The following LINGO2 variants were observed in gnomAD, a reference collection of about 807,000 sequenced individuals.
LINGO2 encodes leucine-rich repeat and immunoglobulin-like domain-containing nogo receptor-interacting protein 2.
In LINGO2, 14 loss-of-function variants were observed where a neutral mutation model predicts 30.6. That is an observed-to-expected ratio of 0.46 (90% CI 0.30 to 0.72). The LOEUF is 0.72. Among genes scored for constraint, LINGO2 ranks in the 30% least tolerant of loss-of-function variants. The probability of loss-of-function intolerance (pLI) is 0.07; values close to 1 mark genes in which losing one functional copy is unlikely to be tolerated. For missense variants in LINGO2, 729 were observed against 751.7 expected, an observed-to-expected ratio of 0.97 and a Z score of 0.35; for synonymous variants, 317 against 288.5, an observed-to-expected ratio of 1.10 and a Z score of -1.00.
the LINGO2 span, among the ~76,000 whole-genome samples, chr9:28,903,765 C>G: frequency 6.6e-6 from 1 of 152,226 alleles, no homozygotes; most frequent in South Asian, 2.1e-4. Flanking sequence ...AGATATGAGC[C>G]ACCATGCTTG....
intron 3 of LINGO2, among the ~76,000 whole-genome samples, chr9:28,353,431 T>G (rs1011530215): frequency 2.1e-4 from 32 of 151,266 alleles, no homozygotes; most frequent in Admixed American, 1.4e-3. Flanking sequence ...ATCAGAGAAA[T>G]GCAAATCAAA....
the LINGO2 span, among the ~76,000 whole-genome samples, chr9:28,934,193 C>T: frequency 0.011 from 1,733 of 152,268 alleles, 13 homozygotes; most frequent in Middle Eastern, 0.017. Context: ...CTAACTTGCC[C>T]ACACATGACT....
intron 4 of LINGO2, among the ~76,000 whole-genome samples, chr9:28,164,433 T>C (rs555268940): frequency 6.6e-6 from 1 of 152,316 alleles, no homozygotes; most frequent in African/African-American, 2.4e-5. Context: ...TGTTATGAGA[T>C]CTGGAAACTT....
At chr9:28,920,808 GCCTTAGTTTAAAC>G in the LINGO2 span, among the ~76,000 whole-genome samples, 4 of 152,170 alleles carry the variant, frequency 2.6e-5, no homozygotes, top group South Asian at 2.1e-4. Context: ...GATCAGAAAA[GCCTTAGTTTAAAC>G]CCCTGGCCAC....
the LINGO2 span, among the ~76,000 whole-genome samples, chr9:28,903,680 A>G: frequency 1.3e-5 from 2 of 151,998 alleles, no homozygotes; most frequent in Non-Finnish European, 2.9e-5. Context: ...GTCTTGCTAT[A>G]TTGCCTAGAC....
intron 4 of LINGO2, among the ~76,000 whole-genome samples, chr9:28,168,282 T>C (rs1828489051): frequency 6.6e-6 from 1 of 152,210 alleles, no homozygotes; most frequent in Non-Finnish European, 1.5e-5. Context: ...ATTTTACTTG[T>C]AATAACTGAA....
intron 4 of LINGO2, among the ~76,000 whole-genome samples, chr9:28,112,133 C>A (rs1826818748): frequency 1.2e-5 from 1 of 84,930 alleles, no homozygotes; most frequent in East Asian, 3.4e-4. Flanking sequence ...TTGTTCAATT[C>A]CCACCTATGA....
the LINGO2 span, among the ~76,000 whole-genome samples, chr9:28,677,505 G>T: frequency 7.2e-5 from 11 of 152,162 alleles, no homozygotes; most frequent in African/African-American, 2.6e-4. Context: ...AAAGAAGGAG[G>T]CTTATATGAG....
At chr9:28,851,360 G>A in the LINGO2 span, among the ~76,000 whole-genome samples, 1 of 152,032 alleles carries the variant, frequency 6.6e-6, no homozygotes, top group Non-Finnish European at 1.5e-5. Flanking sequence ...GCTGAGCCAA[G>A]TCATTTCATA....
intron 4 of LINGO2, among the ~76,000 whole-genome samples, chr9:28,100,830 G>C (rs2133310878): frequency 6.6e-6 from 1 of 152,210 alleles, no homozygotes; most frequent in East Asian, 1.9e-4. Flanking sequence ...TGAATTGACT[G>C]GGAATGAGCT....
intron 2 of LINGO2, among the ~76,000 whole-genome samples, chr9:28,423,857 G>C (rs1823303519): frequency 6.6e-6 from 1 of 152,030 alleles, no homozygotes; most frequent in Non-Finnish European, 1.5e-5. Flanking sequence ...TAGAATGATG[G>C]AGTGTTTTAA....
intron 3 of LINGO2, among the ~76,000 whole-genome samples, chr9:28,370,181 G>A (rs1820838918): frequency 6.6e-6 from 1 of 152,130 alleles, no homozygotes; most frequent in African/African-American, 2.4e-5. Flanking sequence ...TTTAGCCTCT[G>A]GATCCTCTCT....
chr9:28,225,829 T>C (rs112917150), intron 4 of LINGO2, among the ~76,000 whole-genome samples: 21 of 152,282 alleles, frequency 1.4e-4, no homozygotes, highest in African/African-American at 4.8e-4. Context: ...CTTTTGAAAC[T>C]TGTTAAATTG....
intron 1 of LINGO2, among the ~76,000 whole-genome samples, chr9:28,495,956 T>C (rs1342904596): frequency 1.3e-5 from 2 of 152,136 alleles, no homozygotes; most frequent in Admixed American, 6.5e-5. Context: ...AGTTTCCATG[T>C]AGTTGAGTGG....
rs1297291689 is a variant in LINGO2, at chr9:28,632,879, TGTAGAGAGAG to T, written c.-365+37311_-365+37320del. 1.2e-3 allele frequency among the ~76,000 whole-genome samples: 100 copies of T among 80,826 alleles called. 1 individual carries two copies. Among genetic ancestry groups the T allele is most frequent in the Admixed American group, 5.5e-3 (31 of 5,610 alleles). 53.0% of individuals were successfully genotyped at this position (80,826 alleles called of 152,430 possible). ...TTTTATATATATATATATATATATA[TGTAGAGAGAG>T]AGAGAGAGAGAGAGAGAGAGAGAGG... On this transcript the variant is annotated intron_variant, in intron 1 of 5. Transcript: ENST00000379992.
At chr9:27,964,728 T>G (rs1241708687) in intron 5 of LINGO2, among the ~76,000 whole-genome samples, 1 of 152,082 alleles carries the variant, frequency 6.6e-6, no homozygotes, top group Non-Finnish European at 1.5e-5. Context: ...GCTCAGTCCT[T>G]TTGTGTAGCA....
intron 4 of LINGO2, among the ~76,000 whole-genome samples, chr9:28,152,437 C>CA (rs1828026945): frequency 6.6e-6 from 1 of 152,246 alleles, no homozygotes; most frequent in African/African-American, 2.4e-5. Flanking sequence ...GGTTCTTTCA[C>CA]AGACAGCAGA....
At chr9:29,212,294 G>T in the LINGO2 span, among the ~76,000 whole-genome samples, 1 of 151,756 alleles carries the variant, frequency 6.6e-6, no homozygotes, top group Non-Finnish European at 1.5e-5. Flanking sequence ...CTGGCTCTCC[G>T]CGCTCACCCC....
intron 2 of LINGO2, among the ~76,000 whole-genome samples, chr9:28,382,762 A>C (rs1054328219): frequency 6.6e-6 from 1 of 152,074 alleles, no homozygotes; most frequent in Non-Finnish European, 1.5e-5. Context: ...GCTCTTTGGA[A>C]AGTTACTTGT....
Sources: allele counts gnomAD v4.1 joint callset (sites outside exome capture counted in the v4.1 genomes callset), GRCh38; gene constraint gnomAD v4.1.1; transcripts MANE v1.5; gene names NCBI Gene and HGNC (gene_info 2026-07-23, HGNC 2026-07-21).